CENPP: variants seen among roughly 807,000 people sequenced by gnomAD.
CENPP encodes centromere protein P.
A neutral mutation model predicts 35.6 loss-of-function variants in CENPP; 24 were observed. That is an observed-to-expected ratio of 0.67 (90% CI 0.49 to 0.95). The LOEUF (loss-of-function observed/expected upper bound fraction) is 0.95, where lower values mean the gene tolerates loss of function less well. Among genes scored for constraint, CENPP ranks in the 40% least tolerant of loss-of-function variants. The pLI is 0.00. For synonymous variants in CENPP, 120 were observed against 125.5 expected (o/e 0.96, Z 0.29); for missense variants, 332 against 345.3 (o/e 0.96, Z 0.31).
chr9:92,606,641 C>T (rs776294021), intron 5 of CENPP, among the ~76,000 whole-genome samples: 11 of 152,218 alleles, frequency 7.2e-5, no homozygotes, highest in Non-Finnish European at 1.5e-4. Context: ...CACAGTGGCT[C>T]ACGCCTGTAA....
chr9:92,547,083 A>T (rs564923695), intron 5 of CENPP, among the ~76,000 whole-genome samples: 59 of 152,338 alleles, frequency 3.9e-4, no homozygotes, highest in African/African-American at 1.4e-3. Context: ...TATTATGATT[A>T]TACTGGGTTT....
intron 5 of CENPP, among the ~76,000 whole-genome samples, chr9:92,607,460 G>A (rs1262768710): frequency 6.6e-6 from 1 of 152,170 alleles, no homozygotes; most frequent in Non-Finnish European, 1.5e-5. Flanking sequence ...TACATTTAGG[G>A]GGTGATGAAA....
At chr9:92,561,492 G>C (rs1157807726) in intron 5 of CENPP, among the ~76,000 whole-genome samples, 1 of 152,192 alleles carries the variant, frequency 6.6e-6, no homozygotes, top group African/African-American at 2.4e-5. Flanking sequence ...AAACCAACCT[G>C]TTTTAACACT....
At chr9:92,465,191 C>T (rs1302499411) in intron 5 of CENPP, among the ~76,000 whole-genome samples, 3 of 152,196 alleles carry the variant, frequency 2.0e-5, no homozygotes, top group African/African-American at 7.2e-5. Flanking sequence ...ATCTACTGTC[C>T]TTTCTGTCAG....
rs1212036002 is a variant in CENPP at position 92,379,655 on chromosome 9, C to G, written c.468-108C>G. ...CAAGAATTGATATGTAGAACTACTT[C>G]AAGTTTTTGGTTTTAGTGTAGGATA... On this transcript the variant is annotated intron_variant, in intron 4 of 7. Transcript: ENST00000375587. 2.6e-5 allele frequency: 19 copies of G among 728,538 alleles called. No individual in the cohort carries two copies. The East Asian group carries it at 4.8e-4, about 18-fold the overall frequency. 45.1% of individuals were successfully genotyped at this position (728,538 alleles called of 1,614,324 possible).
chr9:92,443,912 T>C (rs984496237), intron 5 of CENPP, among the ~76,000 whole-genome samples: 1 of 152,082 alleles, frequency 6.6e-6, no homozygotes, highest in Non-Finnish European at 1.5e-5. Context: ...GTCCACCCAC[T>C]TCGGCCTCCC....
upstream of CENPP, chr9:92,325,706 C>T (rs1840429585): frequency 1.4e-5 from 5 of 366,292 alleles, no homozygotes; most frequent in South Asian, 3.5e-5. Flanking sequence ...CTAGGGTGAG[C>T]AGCGGAGCGC....
rs118102781 is a variant in CENPP, at chr9:92,464,060, C to T, written c.564+84201C>T. Among the ~76,000 whole-genome samples the T allele has an allele frequency of 3.4e-3, 518 of 152,216 alleles. 1 individual carries two copies. Among genetic ancestry groups the T allele is most frequent in the Non-Finnish European group, 5.7e-3 (387 of 68,016 alleles). ...GCTTTAACTCATGGATACTGAAAGACGGAGCTGTTGGAAAGTAAAAATATG... is the reference window on the plus strand; with the variant it reads ...GCTTTAACTCATGGATACTGAAAGATGGAGCTGTTGGAAAGTAAAAATATG... On this transcript the variant is annotated intron_variant, in intron 5 of 7. Transcript: ENST00000375587.
chr9:92,416,058 G>GTGTGTGTA (rs6151074), intron 5 of CENPP, among the ~76,000 whole-genome samples: 5 of 130,928 alleles, frequency 3.8e-5, no homozygotes, highest in South Asian at 5.0e-4. Flanking sequence ...ATATATGTGT[G>GTGTGTGTA]TATATATATA....
At chr9:92,577,287 G>A (rs1850306388) in intron 5 of CENPP, among the ~76,000 whole-genome samples, 1 of 152,168 alleles carries the variant, frequency 6.6e-6, no homozygotes, top group Non-Finnish European at 1.5e-5. Context: ...GCTGAGGCAG[G>A]CTGATCACTT....
At chr9:92,434,822 C>A (rs1844207758) in intron 5 of CENPP, among the ~76,000 whole-genome samples, 1 of 152,144 alleles carries the variant, frequency 6.6e-6, no homozygotes, top group South Asian at 2.1e-4. Flanking sequence ...GCGGACGGAT[C>A]ACCTGAGGTC....
chr9:92,533,308 A>AAC (rs1563991234), intron 5 of CENPP, among the ~76,000 whole-genome samples: 1 of 67,312 alleles, frequency 1.5e-5, no homozygotes, highest in African/African-American at 6.9e-5. Flanking sequence ...TCAAACAAAA[A>AAC]AAAAAAAAAA....
intron 5 of CENPP, among the ~76,000 whole-genome samples, chr9:92,435,139 C>G (rs992059256): frequency 4.6e-5 from 7 of 152,252 alleles, no homozygotes; most frequent in Middle Eastern, 3.4e-3. Context: ...AGGGATGAAA[C>G]TCTTATCAGG....
In CENPP at chr9:92,457,555, G is replaced by A. The variant is rs1042486492; in HGVS notation, c.564+77696G>A. The stretch of plus-strand genomic sequence containing the variant: ...TGTAAACGGAAGATACTCTGTAGTC[G>A]CCATTTGTTTGTGGGTTTATTCATC... On this transcript the variant is annotated intron_variant, in intron 5 of 7. Coordinates refer to ENST00000375587, the MANE Select transcript of CENPP (RefSeq NM_001012267.3). 1.6e-5 allele frequency: 19 copies of A among 1,159,750 alleles called. No individual in the cohort carries two copies. In the Admixed American group the frequency reaches 2.2e-4, roughly 14 times the overall value. 71.8% of individuals were successfully genotyped at this position (1,159,750 alleles called of 1,614,324 possible). A position where few individuals can be genotyped will look rare whatever the true frequency, so the allele number is the denominator to read the frequency against.
intron 5 of CENPP, among the ~76,000 whole-genome samples, chr9:92,587,972 A>G (rs1485023981): frequency 6.6e-6 from 1 of 151,854 alleles, no homozygotes; most frequent in Non-Finnish European, 1.5e-5. Flanking sequence ...TAAAAATACA[A>G]AAATTAGCTG....
chr9:92,473,147 C>T (rs1239853620), intron 5 of CENPP, among the ~76,000 whole-genome samples: 1 of 152,168 alleles, frequency 6.6e-6, no homozygotes, highest in Non-Finnish European at 1.5e-5. Context: ...ACACCAGCTT[C>T]CTGCCATGAG....
intron 5 of CENPP, among the ~76,000 whole-genome samples, chr9:92,382,590 T>G (rs1001328307): frequency 2.6e-5 from 4 of 152,146 alleles, no homozygotes; most frequent in African/African-American, 9.6e-5. Flanking sequence ...CCGTGCCAAA[T>G]TCAATGTCAT....
intron 5 of CENPP, chr9:92,414,516 C>T (rs536638813): frequency 7.0e-4 from 146 of 209,606 alleles, no homozygotes; most frequent in African/African-American, 3.3e-3. Flanking sequence ...TATTCTGAGG[C>T]AAAAAGATTA....
intron 5 of CENPP, among the ~76,000 whole-genome samples, chr9:92,576,591 G>A (rs968068311): frequency 6.6e-6 from 1 of 152,038 alleles, no homozygotes; most frequent in Admixed American, 6.6e-5. Flanking sequence ...TATGGGATAT[G>A]TATATCTATT....
Sources: gnomAD v4.1 joint callset for allele counts (sites outside exome capture counted in the v4.1 genomes callset) on GRCh38, gnomAD v4.1.1 for gene constraint, MANE v1.5 for transcripts, NCBI Gene and HGNC (gene_info 2026-07-23, HGNC 2026-07-21) for gene names.